MTSS1: variants seen among roughly 807,000 people sequenced by gnomAD.
MTSS1 encodes the protein MTSS I-BAR domain containing 1, also known as protein MTSS 1.
A neutral mutation model predicts 79.0 loss-of-function variants in MTSS1; 18 were observed. The observed-to-expected ratio is 0.23, with a 90% CI of 0.16 to 0.34. The LOEUF (loss-of-function observed/expected upper bound fraction) is 0.34. Ranked by LOEUF, MTSS1 falls within the 10% of genes least tolerant of loss-of-function variation. The pLI, the probability that MTSS1 is intolerant of heterozygous loss-of-function variation, is 1.00. For synonymous variants in MTSS1, 341 were observed against 368.6 expected, an observed-to-expected ratio of 0.93 and a Z score of 0.86; for missense variants, 815 against 986.2, an observed-to-expected ratio of 0.83 and a Z score of 2.33.
At chr8:124,649,818 C>A (rs1220891445) in intron 3 of MTSS1, among the ~76,000 whole-genome samples, 1 of 152,016 alleles carries the variant, frequency 6.6e-6, no homozygotes, top group Non-Finnish European at 1.5e-5. Context: ...TGTTCTTGTG[C>A]TTGGGGAAAA....
At chr8:124,591,840 G>T (rs182089937) in intron 3 of MTSS1, among the ~76,000 whole-genome samples, 145 of 152,200 alleles carry the variant, frequency 9.5e-4, no homozygotes, top group African/African-American at 3.3e-3. Flanking sequence ...GAGTGCAGTG[G>T]TGCAATCAAG....
At chr8:124,587,044 G>A (rs1830982148) in intron 5 of MTSS1, among the ~76,000 whole-genome samples, 1 of 152,216 alleles carries the variant, frequency 6.6e-6, no homozygotes, top group South Asian at 2.1e-4. Context: ...ACATTTAACA[G>A]AGTAGAAGGA....
In MTSS1 at chr8:124,572,743, C is replaced by CTTTTTTT. The variant is rs747243821; in HGVS notation, c.461-4214_461-4208dup. ...TGGGCTACTTTCTTTCTTTTCTTTTCTTTTTTTTTTTTTTTTTGAGACAGA... is the reference window on the plus strand; with the variant it reads ...TGGGCTACTTTCTTTCTTTTCTTTTCTTTTTTTTTTTTTTTTTTTTTTTTGAGACAGA... On this transcript the variant is annotated intron_variant, in intron 6 of 13. Coordinates refer to ENST00000518547, the MANE Select transcript of MTSS1 (RefSeq NM_014751.6). Among the ~76,000 whole-genome samples the CTTTTTTT allele has an allele frequency of 4.1e-3, 501 of 123,606 alleles. 16 individuals carry two copies. The highest frequency in any genetic ancestry group is 0.012 in the South Asian group (47 of 3,782). The allele number at this position is 123,606 out of a possible 152,430, so 81.1% of individuals were successfully genotyped here.
intron 1 of MTSS1, among the ~76,000 whole-genome samples, chr8:124,719,256 G>T (rs1832568893): frequency 6.6e-6 from 1 of 152,192 alleles, no homozygotes; most frequent in Non-Finnish European, 1.5e-5. Flanking sequence ...TAGTTACTAA[G>T]ACTACCTCGC....
chr8:124,568,685 G>A (rs933098627), intron 6 of MTSS1, 149 bp from the exon 7 acceptor site: 11 of 1,479,472 alleles, frequency 7.4e-6, no homozygotes, highest in Non-Finnish European at 1.0e-5. Context: ...AGGATTTAAG[G>A]CAGCTGTTTT....
intron 6 of MTSS1, chr8:124,577,478 G>A: frequency 2.1e-6 from 1 of 479,564 alleles, no homozygotes; most frequent in South Asian, 1.5e-5. Flanking sequence ...TCAGACTCAT[G>A]ACCTCAAGTG....
Position 124,689,497 on chromosome 8 carries a change from G to C in MTSS1, c.208+10029C>G, listed in dbSNP as rs1275961030. On this transcript the variant is annotated intron_variant, in intron 3 of 13. Transcript: ENST00000518547. ...GTGGTGGCTCACACCTGTAATCCCA[G>C]CACTTTGGGAGGCTGAGGCAGGCGG... Among the ~76,000 whole-genome samples, 3 of 151,032 alleles carry C rather than the reference G, an allele frequency of 2.0e-5. No individual in the cohort carries two copies. The Admixed American group carries it at 2.0e-4, about 10-fold the overall frequency.
At chr8:124,555,946 G>T (rs575760802) in intron 12 of MTSS1, 42 bp from the exon 13 acceptor site, 18 of 1,595,578 alleles carry the variant, frequency 1.1e-5, no homozygotes, top group East Asian at 4.5e-5. Context: ...GCTTTAGGGG[G>T]GGGGCTCAAC....
At position 124,728,241 on chromosome 8, in the gene MTSS1, G is replaced by T. The variant is rs114251099; in HGVS notation, c.-286C>A. ...AAGACTGACAATCAGGCCACCACTG[G>T]TGCCCACTACGGAAACGGCAAAGCC... On this transcript the variant is annotated 5_prime_UTR_variant, in exon 1 of 14. Coordinates refer to ENST00000518547, the MANE Select transcript of MTSS1 (RefSeq NM_014751.6). The surrounding 1 kb of genome is among the most constrained non-coding windows in gnomAD (Gnocchi z 6.1). 1,486 of 296,414 alleles carry T rather than the reference G, an allele frequency of 5.0e-3. 18 individuals are homozygous for T. Among genetic ancestry groups the T allele is most frequent in the African/African-American group, 0.029 (1,339 of 46,084 alleles). 18.4% of individuals were successfully genotyped at this position (296,414 alleles called of 1,614,324 possible).
chr8:124,586,072 A>G (rs1269997876), intron 5 of MTSS1, among the ~76,000 whole-genome samples: 1 of 152,162 alleles, frequency 6.6e-6, no homozygotes, highest in Non-Finnish European at 1.5e-5. Context: ...GCCCATTCGC[A>G]GACTGCCCCA....
intron 3 of MTSS1, among the ~76,000 whole-genome samples, chr8:124,631,895 G>A (rs1295137092): frequency 1.3e-5 from 2 of 152,156 alleles, no homozygotes; most frequent in Non-Finnish European, 2.9e-5. Context: ...GCAGCTACTG[G>A]AATAACAGAT....
rs71516754 is a variant in MTSS1, at chr8:124,683,620, C to T, written c.208+15906G>A. On this transcript the variant is annotated intron_variant, in intron 3 of 13. Transcript: ENST00000518547. This position sits in a 1 kb window ranked among gnomAD's most constrained non-coding sequence, Gnocchi z 4.5. Reference sequence around the variant, plus strand: ...GTGGAACAACACAACCTTTCCAACACGAAGGAGCCCACTGCCATATCTGAA... The same window carrying T: ...GTGGAACAACACAACCTTTCCAACATGAAGGAGCCCACTGCCATATCTGAA... Among the ~76,000 whole-genome samples the T allele has an allele frequency of 0.052, 7,926 of 152,258 alleles. 247 individuals carry two copies. Among genetic ancestry groups the T allele is most frequent in the East Asian group, 0.075 (390 of 5,192 alleles).
Position 124,555,816 on chromosome 8 carries a change from G to A in MTSS1, c.1493C>T (p.Ser498Leu). Residue 498 changes from serine (S) to leucine (L), a missense_variant, in exon 13 of 14, where the codon TCG becomes TTG. Physicochemically the swap from Ser to Leu is moderately radical, Grantham distance 145. Around this residue, in one of 2 missense-constraint regions of MTSS1, gnomAD observed 590 missense variants for 620.8 expected, o/e 0.95. Coordinates refer to ENST00000518547, the MANE Select transcript of MTSS1 (RefSeq NM_014751.6). Reference sequence around the variant, plus strand: ...GCTGTAGCCGCTGGAGCACTGAAGCGAGTCCCGGCTGCTCCTCTGGGTGTC... The same window carrying A: ...GCTGTAGCCGCTGGAGCACTGAAGCAAGTCCCGGCTGCTCCTCTGGGTGTC... ...QLDTQRSSRD[S>L]LQCSSGYSTQ... 2 of 1,613,514 alleles carry A rather than the reference G, an allele frequency of 1.2e-6. No homozygotes were observed. The highest frequency in any genetic ancestry group is 8.5e-7 in the Non-Finnish European group (1 of 1,179,868).
rs773452209 is a variant in MTSS1 at position 124,647,587 on chromosome 8, T to A, written c.208+51939A>T. On this transcript the variant is annotated intron_variant, in intron 3 of 13. Coordinates refer to ENST00000518547, the MANE Select transcript of MTSS1 (RefSeq NM_014751.6). ...AGCTAACAACAGTGTTTATCCTCAA[T>A]AAAGCATGTTCTAATATAAAAAAAA... Among the ~76,000 whole-genome samples the A allele has an allele frequency of 6.2e-5, 9 of 144,374 alleles. No individual in the cohort carries two copies. The South Asian group carries it at 1.9e-3, about 31-fold the overall frequency. 94.7% of individuals were successfully genotyped at this position (144,374 alleles called of 152,430 possible). A position where few individuals can be genotyped will look rare whatever the true frequency, so the allele number is the denominator to read the frequency against.
chr8:124,696,096 T>C (rs1378298816), intron 3 of MTSS1, among the ~76,000 whole-genome samples: 1 of 152,092 alleles, frequency 6.6e-6, no homozygotes, highest in Non-Finnish European at 1.5e-5. Flanking sequence ...CAAGCGATTC[T>C]CCTGCCTCAG....
intron 6 of MTSS1, among the ~76,000 whole-genome samples, chr8:124,581,213 G>A (rs1829980516): frequency 6.6e-6 from 1 of 151,596 alleles, no homozygotes; most frequent in Non-Finnish European, 1.5e-5. Context: ...CAGCTACTAG[G>A]GAGGCTGAGG....
chr8:124,595,609 G>A (rs1832623070), intron 3 of MTSS1, among the ~76,000 whole-genome samples: 1 of 152,100 alleles, frequency 6.6e-6, no homozygotes, highest in Non-Finnish European at 1.5e-5. Context: ...TTGTGATTAT[G>A]TGGGACCCAC....
chr8:124,692,619 C>A (rs1303963677), intron 3 of MTSS1, among the ~76,000 whole-genome samples: 1 of 152,170 alleles, frequency 6.6e-6, no homozygotes, highest in Non-Finnish European at 1.5e-5. Flanking sequence ...CTCCCCTCCT[C>A]CACTCCATCC....
chr8:124,623,210 C>T (rs1160458457), intron 3 of MTSS1, among the ~76,000 whole-genome samples: 1 of 152,242 alleles, frequency 6.6e-6, no homozygotes, highest in Non-Finnish European at 1.5e-5. Context: ...TATTTCTTGT[C>T]TTCTGAACTC....
Sources: gnomAD v4.1 joint callset for allele counts (sites outside exome capture counted in the v4.1 genomes callset) on GRCh38, gnomAD v4.1.1 for gene constraint, gnomAD v4.1.1 regional missense constraint, Gnocchi (gnomAD v3.1) non-coding constraint, MANE v1.5 for transcripts, NCBI Gene and HGNC (gene_info 2026-07-23, HGNC 2026-07-21) for gene names.